ZBBX: variants seen among roughly 807,000 people sequenced by gnomAD.
ZBBX encodes the protein zinc finger B-box domain-containing protein 1.
Under a neutral mutation model 108.5 loss-of-function variants are expected in ZBBX, and 101 were observed. The ratio of observed to expected loss-of-function variants is 0.93; its 90% CI spans 0.79 to 1.10. ZBBX has a LOEUF of 1.10. ZBBX is among the 50% of genes least tolerant of loss of function. The pLI, the probability that ZBBX is intolerant of heterozygous loss-of-function variation, is 0.00. For missense variants in ZBBX, 1,009 were observed against 941.4 expected (o/e 1.07, Z -0.94); for synonymous variants, 356 against 323.4 (o/e 1.10, Z -1.08).
intron 1 of ZBBX, among the ~76,000 whole-genome samples, chr3:167,387,749 A>C (rs1186683351): frequency 1.3e-5 from 2 of 152,088 alleles, no homozygotes; most frequent in East Asian, 3.9e-4. Context: ...AAAGCAGAGG[A>C]AGCAAAGCTG....
chr3:167,237,308 G>T (rs931356275), downstream of ZBBX, among the ~76,000 whole-genome samples: 6 of 151,844 alleles, frequency 4.0e-5, no homozygotes, highest in African/African-American at 1.4e-4. Flanking sequence ...TTTGTCTGCA[G>T]CATGTGCATG....
At chr3:167,314,745 A>G (rs1008446647) in intron 15 of ZBBX, among the ~76,000 whole-genome samples, 3 of 152,176 alleles carry the variant, frequency 2.0e-5, no homozygotes, top group Non-Finnish European at 4.4e-5. Context: ...ATGTAGTTCT[A>G]TGGGCACCTC....
chr3:167,339,192 C>G (rs1200805659), intron 9 of ZBBX, among the ~76,000 whole-genome samples: 1 of 151,686 alleles, frequency 6.6e-6, no homozygotes, highest in African/African-American at 2.4e-5. Flanking sequence ...ACAACTAAAG[C>G]CAAAATCTTA....
At chr3:167,330,945 TTCTCTC>T (rs151154237) in intron 10 of ZBBX, among the ~76,000 whole-genome samples, 1 of 87,172 alleles carries the variant, frequency 1.1e-5, no homozygotes, top group Non-Finnish European at 2.2e-5. Context: ...CTCTCTTTCT[TTCTCTC>T]TCTCTCTCTC....
chr3:167,373,364 C>A (rs1460474859), intron 3 of ZBBX, among the ~76,000 whole-genome samples: 1 of 152,098 alleles, frequency 6.6e-6, no homozygotes, highest in African/African-American at 2.4e-5. Flanking sequence ...CTGTGGAAAC[C>A]TAGAAATGAC....
At chr3:167,282,648 A>C (rs568087191) in intron 19 of ZBBX, 153 bp from the exon 20 acceptor site, 1 of 595,878 alleles carries the variant, frequency 1.7e-6, no homozygotes, top group Non-Finnish European at 2.9e-6. Flanking sequence ...CTTTCTAGCT[A>C]ACCACATTTT....
intron 4 of ZBBX, among the ~76,000 whole-genome samples, chr3:167,370,843 GA>G (rs71632467): frequency 1.4e-4 from 21 of 151,946 alleles, no homozygotes; most frequent in South Asian, 2.1e-4. Flanking sequence ...TGCCTATATA[GA>G]AAAAAAATTG....
chr3:167,394,814 C>T (rs1748180030), intron 1 of ZBBX, among the ~76,000 whole-genome samples: 1 of 152,052 alleles, frequency 6.6e-6, no homozygotes, highest in Admixed American at 6.6e-5. Flanking sequence ...AGGGTCCAAT[C>T]ATGGAAATTC....
intron 13 of ZBBX, 77 bp from the exon 14 acceptor site, chr3:167,317,182 C>T: frequency 2.0e-6 from 2 of 999,326 alleles, no homozygotes; most frequent in Non-Finnish European, 1.5e-6. Context: ...AGATAGCCAC[C>T]AAAAAAGAAG....
At chr3:167,383,443 A>C (rs559631939), upstream of ZBBX, among the ~76,000 whole-genome samples, 5 of 152,106 alleles carry the variant, frequency 3.3e-5, no homozygotes, top group African/African-American at 9.7e-5. Flanking sequence ...CTTAGCAAAA[A>C]CCAAATTAGT....
the ZBBX span, among the ~76,000 whole-genome samples, chr3:167,205,800 A>G: frequency 6.6e-6 from 1 of 152,338 alleles, no homozygotes; most frequent in South Asian, 2.1e-4. Context: ...ACATCTCAGA[A>G]TAAAATAGTA....
At chr3:167,312,866 C>T (rs1734825057) in intron 16 of ZBBX, among the ~76,000 whole-genome samples, 1 of 152,106 alleles carries the variant, frequency 6.6e-6, no homozygotes, top group Admixed American at 6.6e-5. Context: ...CTTCTGCTGC[C>T]CAATCAGAAT....
At chr3:167,347,596 A>C (rs183210930) in intron 9 of ZBBX, among the ~76,000 whole-genome samples, 102 of 152,210 alleles carry the variant, frequency 6.7e-4, no homozygotes, top group African/African-American at 2.4e-3. Flanking sequence ...TTTAAGAATT[A>C]GCTGAACAAA....
At chr3:167,371,204 T>C (rs1746111938) in intron 4 of ZBBX, among the ~76,000 whole-genome samples, 1 of 152,228 alleles carries the variant, frequency 6.6e-6, no homozygotes, top group Non-Finnish European at 1.5e-5. Flanking sequence ...CTCTTTACTA[T>C]GACATACACA....
chr3:167,402,291 A>T (rs985808801), intron 1 of ZBBX, among the ~76,000 whole-genome samples: 1 of 152,182 alleles, frequency 6.6e-6, no homozygotes, highest in Non-Finnish European at 1.5e-5. Context: ...ATTGCAAGGA[A>T]TCCCAAATAA....
At chr3:167,181,376 C>T in the ZBBX span, among the ~76,000 whole-genome samples, 63 of 152,322 alleles carry the variant, frequency 4.1e-4, no homozygotes, top group African/African-American at 1.5e-3. Flanking sequence ...GGTTGTCCAT[C>T]AGGCCCTTCA....
rs759377187 is a variant in ZBBX, at chr3:167,359,922, G to A, written c.380C>T (p.Pro127Leu). The A allele has an allele frequency of 2.5e-6, 4 of 1,579,418 alleles. No individual in the cohort carries two copies. In the South Asian group the frequency reaches 4.7e-5, roughly 18 times the overall value. The change falls in exon 8 of 22, where the codon CCC (proline) becomes CTC (leucine). Residue 127 changes from proline to leucine, a missense_variant. Pro to Leu is a moderately conservative substitution (Grantham distance 98, BLOSUM62 -3). Transcript: ENST00000675490. ...KMANSSECEK[P>L]KINGKVCGQC... ...TCCACATACTTTCCCATTTATCTTG[G>A]GTTTTTCACATTCTGAAGAATTTGC...
At chr3:167,301,720 G>A (rs1216590843) in intron 17 of ZBBX, among the ~76,000 whole-genome samples, 1 of 152,080 alleles carries the variant, frequency 6.6e-6, no homozygotes, top group African/African-American at 2.4e-5. Flanking sequence ...CACTTTGGGA[G>A]GCCAAGGCGG....
At chr3:167,334,990 A>C (rs1739316490) in intron 9 of ZBBX, among the ~76,000 whole-genome samples, 1 of 152,066 alleles carries the variant, frequency 6.6e-6, no homozygotes, top group Non-Finnish European at 1.5e-5. Flanking sequence ...TTTACCTGGC[A>C]GGCTTTTGCT....
Sources: allele counts gnomAD v4.1 joint callset (sites outside exome capture counted in the v4.1 genomes callset), GRCh38; gene constraint gnomAD v4.1.1; transcripts MANE v1.5; gene names NCBI Gene and HGNC (gene_info 2026-07-23, HGNC 2026-07-21).